SRGAP3: variants seen among roughly 807,000 people sequenced by gnomAD.
The protein encoded by SRGAP3 is SLIT-ROBO Rho GTPase-activating protein 3.
A neutral mutation model predicts 121.1 loss-of-function variants in SRGAP3; 39 were observed. The observed-to-expected ratio is 0.32, with a 90% CI of 0.25 to 0.42. The LOEUF (loss-of-function observed/expected upper bound fraction) is 0.42. Ranked by LOEUF, SRGAP3 falls within the 10% of genes least tolerant of loss-of-function variation. SRGAP3 has a pLI of 1.00. For missense variants in SRGAP3, 1,213 were observed against 1,470.6 expected, an observed-to-expected ratio of 0.82 and a Z score of 2.86; for synonymous variants, 601 against 570.0, an observed-to-expected ratio of 1.05 and a Z score of -0.77.
At chr3:9,302,903 A>T (rs1955089384) in intron 3 of SRGAP3, among the ~76,000 whole-genome samples, 2 of 152,160 alleles carry the variant, frequency 1.3e-5, no homozygotes. Context: ...GACACCGAAG[A>T]ATGGCAACGA....
At chr3:9,137,637 C>T (rs1560240112) in intron 1 of SRGAP3, among the ~76,000 whole-genome samples, 1 of 152,296 alleles carries the variant, frequency 6.6e-6, no homozygotes, top group Non-Finnish European at 1.5e-5. Flanking sequence ...AGTCCCACTT[C>T]CCACAGTGGT....
At chr3:9,126,618 AAACTAACTAACT>A (rs71049772) in intron 1 of SRGAP3, among the ~76,000 whole-genome samples, 14 of 150,878 alleles carry the variant, frequency 9.3e-5, no homozygotes, top group East Asian at 5.9e-4. Flanking sequence ...CCTGTCTCAA[AAACTAACTAACT>A]AACTAACTAA....
intron 1 of SRGAP3, among the ~76,000 whole-genome samples, chr3:9,361,913 A>G (rs1490473539): frequency 6.6e-6 from 1 of 152,176 alleles, no homozygotes; most frequent in Non-Finnish European, 1.5e-5. Flanking sequence ...CCCTTGGATC[A>G]TGCTAAGGCC....
At chr3:9,223,971 G>A (rs1381793307) in intron 1 of SRGAP3, among the ~76,000 whole-genome samples, 1 of 152,210 alleles carries the variant, frequency 6.6e-6, no homozygotes, top group Non-Finnish European at 1.5e-5. Context: ...ACACAGGAGT[G>A]AAATCGGCTC....
intron 1 of SRGAP3, among the ~76,000 whole-genome samples, chr3:9,231,540 T>G (rs1304080873): frequency 6.6e-6 from 1 of 152,242 alleles, no homozygotes; most frequent in East Asian, 1.9e-4. Context: ...TATCTTAATA[T>G]TTTTATAGGC....
In SRGAP3 at chr3:8,985,722, T is replaced by G; in HGVS notation, c.3097A>C (p.Thr1033Pro). Reference sequence around the variant, plus strand: ...GGCTTGAAGGTGGTCATCATCTCGGTGGAGGAGCTGCTGCTGCGGCGCATG... The same window carrying G: ...GGCTTGAAGGTGGTCATCATCTCGGGGGAGGAGCTGCTGCTGCGGCGCATG... ...AAMRRSSSSS[T>P]EMMTTFKPAL... The change falls in exon 22 of 22, where the codon ACC (threonine) becomes CCC (proline). Residue 1033 changes from threonine to proline, a missense_variant. By Grantham distance (38) the Thr-to-Pro change is conservative (BLOSUM62 -1). Transcript: ENST00000383836. This position sits in a 1 kb window ranked among gnomAD's most constrained non-coding sequence, Gnocchi z 5.1. 1 of 1,597,692 alleles carries G rather than the reference T, an allele frequency of 6.3e-7. No individual in the cohort carries two copies.
At chr3:9,002,225 T>C (rs1343433801) in intron 18 of SRGAP3, among the ~76,000 whole-genome samples, 3 of 152,226 alleles carry the variant, frequency 2.0e-5, no homozygotes, top group African/African-American at 7.2e-5. Flanking sequence ...TCTACCACAG[T>C]AGGATAAAAT....
chr3:9,219,004 T>A (rs1184700194), intron 1 of SRGAP3, among the ~76,000 whole-genome samples: 1 of 152,086 alleles, frequency 6.6e-6, no homozygotes, highest in African/African-American at 2.4e-5. Flanking sequence ...ATTTTTATTT[T>A]ATTTTATTTA....
intron 2 of SRGAP3, among the ~76,000 whole-genome samples, chr3:9,329,358 C>T (rs1955567504): frequency 6.6e-6 from 1 of 152,072 alleles, no homozygotes; most frequent in South Asian, 2.1e-4. Context: ...CAGCTTGCTG[C>T]ACCATCACAC....
chr3:9,047,384 C>T lies in SRGAP3; in HGVS notation c.1408+7G>A. On this transcript the variant is annotated splice_region_variant and intron_variant, in intron 10 of 21. Transcript: ENST00000383836. ...ACCTCCCAGAGGGCCTCCACCAGCC[C>T]ACTCACCTTCGCCCAGGGTCTGCTT... 2 of 1,614,082 alleles carry T rather than the reference C, an allele frequency of 1.2e-6. No individual in the cohort carries two copies. Among genetic ancestry groups the T allele is most frequent in the South Asian group, 1.1e-5 (1 of 91,050 alleles).
chr3:8,993,967 C>T (rs1029910233), intron 19 of SRGAP3: 6 of 292,436 alleles, frequency 2.1e-5, no homozygotes, highest in African/African-American at 1.1e-4. Flanking sequence ...TCTGCCCATC[C>T]CCTAAGAGAG....
At chr3:9,059,463 G>A (rs1946014720) in intron 6 of SRGAP3, 1 of 152,356 alleles carries the variant, frequency 6.6e-6, no homozygotes, top group South Asian at 2.1e-4. Context: ...GGAGCCCCCT[G>A]ACTTCCCGAC....
intron 2 of SRGAP3, among the ~76,000 whole-genome samples, chr3:9,111,857 C>T (rs181355916): frequency 2.9e-4 from 44 of 152,326 alleles, no homozygotes; most frequent in African/African-American, 8.4e-4. Flanking sequence ...TTCATGCAAG[C>T]GTCGACCCAG....
At chr3:9,091,464 G>A (rs79607528) in intron 3 of SRGAP3, among the ~76,000 whole-genome samples, 3,368 of 152,036 alleles carry the variant, frequency 0.022, 128 homozygotes, top group African/African-American at 0.077. Flanking sequence ...TCCACACTCT[G>A]GCTTGTTTTC....
At chr3:9,122,708 C>CAGAA (rs1949058665) in intron 2 of SRGAP3, among the ~76,000 whole-genome samples, 1 of 66,214 alleles carries the variant, frequency 1.5e-5, no homozygotes, top group African/African-American at 5.3e-5. Context: ...GACTCCGTCT[C>CAGAA]AAAAAAAAAA....
intron 7 of SRGAP3, among the ~76,000 whole-genome samples, chr3:9,057,341 G>A (rs1189980035): frequency 6.6e-6 from 1 of 152,186 alleles, no homozygotes; most frequent in East Asian, 1.9e-4. Flanking sequence ...TCTGTGGACT[G>A]TACTAGTTAT....
intron 2 of SRGAP3, among the ~76,000 whole-genome samples, chr3:9,123,134 A>G (rs1465700531): frequency 6.6e-6 from 1 of 152,204 alleles, no homozygotes; most frequent in Non-Finnish European, 1.5e-5. Context: ...CAGCAGTCGA[A>G]TTCATAAAGA....
intron 1 of SRGAP3, among the ~76,000 whole-genome samples, chr3:9,344,818 C>T (rs369725497): frequency 2.6e-5 from 4 of 152,136 alleles, no homozygotes; most frequent in African/African-American, 9.6e-5. Context: ...GGGTGGATCA[C>T]GAGGTCAGGA....
chr3:9,309,630 G>C (rs974784999), intron 3 of SRGAP3, among the ~76,000 whole-genome samples: 20 of 152,332 alleles, frequency 1.3e-4, no homozygotes, highest in East Asian at 9.7e-4. Flanking sequence ...GGAGGCCAAG[G>C]CAGGAGGATC....
Sources: allele counts gnomAD v4.1 joint callset (sites outside exome capture counted in the v4.1 genomes callset), GRCh38; gene constraint gnomAD v4.1.1; non-coding constraint Gnocchi (gnomAD v3.1); transcripts MANE v1.5; gene names NCBI Gene and HGNC (gene_info 2026-07-23, HGNC 2026-07-21).